The following BRD8 variants were observed in gnomAD, a reference collection of about 807,000 sequenced individuals.
BRD8 encodes bromodomain containing 8.
Under a neutral mutation model 143.1 loss-of-function variants are expected in BRD8, and 67 were observed. That is an observed-to-expected ratio of 0.47 (90% CI 0.38 to 0.57). The LOEUF (loss-of-function observed/expected upper bound fraction) is 0.57. Ranked by LOEUF, BRD8 falls within the 20% of genes least tolerant of loss-of-function variation. The probability of loss-of-function intolerance (pLI) is 0.00; values close to 1 mark genes in which losing one functional copy is unlikely to be tolerated. For synonymous variants in BRD8, 505 were observed against 517.1 expected (o/e 0.98, Z 0.32); for missense variants, 1,103 against 1,503.0 (o/e 0.73, Z 4.40).
intron 23 of BRD8, among the ~76,000 whole-genome samples, chr5:138,147,299 A>T (rs575094567): frequency 4.1e-5 from 6 of 146,124 alleles, no homozygotes; most frequent in African/African-American, 1.2e-4. Context: ...CTCTTCAAAA[A>T]ATATATATAT....
rs143586824 is a variant in BRD8 at position 138,168,385 on chromosome 5, C to A, written c.643-307G>T. ...TCTTTTCCTCTTTTGAACTTTTATTCCCCATGTCACATTTTAGGTCCCAGG... is the reference window on the plus strand; with the variant it reads ...TCTTTTCCTCTTTTGAACTTTTATTACCCATGTCACATTTTAGGTCCCAGG... On this transcript the variant is annotated intron_variant, in intron 8 of 26. Coordinates refer to ENST00000254900, the MANE Select transcript of BRD8 (RefSeq NM_139199.2). The A allele has an allele frequency of 9.5e-4, 888 of 939,360 alleles. 5 individuals carry two copies. The African/African-American group carries it at 0.014, about 14-fold the overall frequency. The allele number at this position is 939,360 out of a possible 1,614,324, so 58.2% of individuals were successfully genotyped here.
intron 8 of BRD8, chr5:138,168,562 T>A: frequency 6.2e-7 from 1 of 1,609,840 alleles, no homozygotes; most frequent in Non-Finnish European, 8.5e-7. Flanking sequence ...CCAAGCATCT[T>A]TTTCTGGGGT....
rs149392188 is a variant in BRD8, at chr5:138,166,642, C to T, written c.873G>A (p.Glu291=). The part of the protein sequence containing the change: ...PLASFTTVAS[E]PPVKLVPPPV... Reference sequence around the variant, plus strand: ...GGGGTGGCACAAGTTTAACTGGAGGCTCACTGGCAACAGTAGTGAAGGAAG... The same window carrying T: ...GGGGTGGCACAAGTTTAACTGGAGGTTCACTGGCAACAGTAGTGAAGGAAG... Residue 291 remains glutamate, a synonymous_variant, in exon 10 of 27, where the codon GAG becomes GAA. Coordinates refer to ENST00000254900, the MANE Select transcript of BRD8 (RefSeq NM_139199.2). 9 of 1,613,582 alleles carry T rather than the reference C, an allele frequency of 5.6e-6. No homozygotes were observed. In the African/African-American group the frequency reaches 1.1e-4, roughly 19 times the overall value.
At chr5:138,174,422 C>T (rs903071822) in intron 2 of BRD8, among the ~76,000 whole-genome samples, 1 of 151,922 alleles carries the variant, frequency 6.6e-6, no homozygotes, top group African/African-American at 2.4e-5. Flanking sequence ...TGGTAAAACC[C>T]TATCTCTACC....
intron 14 of BRD8, 62 bp from the exon 15 acceptor site, chr5:138,163,406 A>C: frequency 6.4e-7 from 1 of 1,571,142 alleles, no homozygotes; most frequent in Non-Finnish European, 8.7e-7. Context: ...AGCATCATTA[A>C]ACATGATCTG....
chr5:138,177,718 T>C (rs775694707), intron 1 of BRD8, 51 bp from the exon 2 acceptor site: 7 of 1,136,114 alleles, frequency 6.2e-6, no homozygotes, highest in Middle Eastern at 2.0e-4. Context: ...ACTGAGACTG[T>C]AGTGCTAAGC....
At chr5:138,145,390 C>A (rs567017208) in intron 24 of BRD8, 145 bp from the exon 25 acceptor site, 271 of 639,924 alleles carry the variant, frequency 4.2e-4, no homozygotes, top group African/African-American at 3.7e-3. Flanking sequence ...TTCCCTCTTG[C>A]CAGAGAGTTA....
chr5:138,142,341 T>C (rs1561596512), intron 25 of BRD8, among the ~76,000 whole-genome samples: 1 of 152,174 alleles, frequency 6.6e-6, no homozygotes, highest in African/African-American at 2.4e-5. Context: ...CTATTATTTA[T>C]AAATTATCCA....
intron 25 of BRD8, among the ~76,000 whole-genome samples, chr5:138,144,898 C>CAAAAAAA (rs34496046): frequency 7.7e-5 from 8 of 103,530 alleles, no homozygotes; most frequent in Admixed American, 1.2e-4. Context: ...GAGACCCTGT[C>CAAAAAAA]AAAAAAAAAA....
chr5:138,174,889 GTTTT>G (rs1168055000), intron 2 of BRD8, among the ~76,000 whole-genome samples: 2 of 137,394 alleles, frequency 1.5e-5, no homozygotes, highest in African/African-American at 5.3e-5. Flanking sequence ...ATAAACTCAA[GTTTT>G]TTTTTTTTTT....
chr5:138,160,927 T>G lies in BRD8; in HGVS notation c.2391A>C (p.Ala797=). 1 of 1,611,924 alleles carries G rather than the reference T, an allele frequency of 6.2e-7. No homozygotes were observed. Among genetic ancestry groups the G allele is most frequent in the Admixed American group, 1.7e-5 (1 of 59,652 alleles). The change falls in exon 18 of 27, where the codon GCA becomes GCC. Residue 797 remains alanine (A), a synonymous_variant. Coordinates refer to ENST00000254900, the MANE Select transcript of BRD8 (RefSeq NM_139199.2). ...CCAAGACATCTCGCTGCATCTCCAC[T>G]GCCATGTGATAGACATCATGGTCTG... ...NSSDHDVYHM[A]VEMQRDVLEQ... is the part of the protein sequence containing the mutation.
rs116596444 is a variant in BRD8, at chr5:138,160,279, C to T, written c.2428-106G>A. On this transcript the variant is annotated intron_variant, in intron 18 of 26. Coordinates refer to ENST00000254900, the MANE Select transcript of BRD8 (RefSeq NM_139199.2). ...AGAACTTTGTATAGTACTCTTCTGG[C>T]TCAAATATATTTTGACTGATTGGAA... is the stretch of plus-strand genomic sequence containing the variant. The T allele has an allele frequency of 3.6e-3, 2,714 of 752,480 alleles. 54 individuals are homozygous for T. In the African/African-American group the frequency reaches 0.041, roughly 11 times the overall value. The allele number at this position is 752,480 out of a possible 1,614,324, so 46.6% of individuals were successfully genotyped here.
intron 23 of BRD8, among the ~76,000 whole-genome samples, chr5:138,148,239 G>A (rs1455879493): frequency 6.6e-6 from 1 of 151,382 alleles, no homozygotes; most frequent in Admixed American, 6.6e-5. Flanking sequence ...AAGAATTTGT[G>A]TTTGGCCACA....
Position 138,160,905 on chromosome 5 carries a change from A to G in BRD8, c.2413T>C (p.Leu805=). The G allele has an allele frequency of 6.2e-7, 1 of 1,608,832 alleles. No individual in the cohort carries two copies. Among genetic ancestry groups the G allele is most frequent in the Non-Finnish European group, 8.5e-7 (1 of 1,177,696 alleles). ...HMAVEMQRDV[L]EQIQQFLATQ... Reference sequence around the variant, plus strand: ...CCTCAAAGTACCTGGATCTGTTCCAAGACATCTCGCTGCATCTCCACTGCC... The same window carrying G: ...CCTCAAAGTACCTGGATCTGTTCCAGGACATCTCGCTGCATCTCCACTGCC... The change falls in exon 18 of 27, where the codon TTG becomes CTG. Residue 805 remains leucine (L), a synonymous_variant. Transcript: ENST00000254900.
chr5:138,164,670 A>G (rs781028094), intron 12 of BRD8, 44 bp downstream of exon 12: 1 of 1,590,802 alleles, frequency 6.3e-7, no homozygotes, highest in Non-Finnish European at 8.6e-7. Context: ...TTCTTATCTA[A>G]GGTATAAACC....
intron 25 of BRD8, among the ~76,000 whole-genome samples, chr5:138,143,878 G>T (rs191770032): frequency 6.6e-6 from 1 of 152,194 alleles, no homozygotes; most frequent in Non-Finnish European, 1.5e-5. Context: ...AAATCAGCAG[G>T]ATGTGGAGGA....
At chr5:138,143,371 CCGGAGG>C (rs1751991636) in intron 25 of BRD8, among the ~76,000 whole-genome samples, 1 of 151,540 alleles carries the variant, frequency 6.6e-6, no homozygotes, top group South Asian at 2.1e-4. Flanking sequence ...CCCAGCTACT[CCGGAGG>C]CTGAAGTGGG....
Position 138,176,034 on chromosome 5 carries a change from G to C in BRD8, c.116+1537C>G, listed in dbSNP as rs12655056. 0.017 allele frequency among the ~76,000 whole-genome samples: 2,547 copies of C among 149,954 alleles called. 199 individuals are homozygous for C. In the East Asian group the frequency reaches 0.25, roughly 15 times the overall value. On this transcript the variant is annotated intron_variant, in intron 2 of 26. Coordinates refer to ENST00000254900, the MANE Select transcript of BRD8 (RefSeq NM_139199.2). ...AAACATTGTCCACAACCTTGTACAC[G>C]AATGTGCACATCATCAGCATTATTC...
intron 20 of BRD8, chr5:138,157,151 G>T: frequency 6.2e-7 from 1 of 1,606,092 alleles, no homozygotes. Context: ...GCAAGCCCAA[G>T]CTCTATCTTG....
Sources: allele counts gnomAD v4.1 joint callset (sites outside exome capture counted in the v4.1 genomes callset), GRCh38; gene constraint gnomAD v4.1.1; transcripts MANE v1.5; gene names NCBI Gene and HGNC (gene_info 2026-07-23, HGNC 2026-07-21).